The following CHRNB4 variants were observed in gnomAD, a reference collection of about 807,000 sequenced individuals.
CHRNB4 encodes cholinergic receptor nicotinic beta 4 subunit, also known as neuronal acetylcholine receptor subunit beta-4.
A neutral mutation model predicts 40.4 loss-of-function variants in CHRNB4; 23 were observed. The ratio of observed to expected loss-of-function variants is 0.57; its 90% confidence interval spans 0.41 to 0.81. CHRNB4 has a LOEUF of 0.81. Ranked by LOEUF, CHRNB4 falls within the 30% of genes least tolerant of loss-of-function variation. The probability of loss-of-function intolerance (pLI) is 0.00; values close to 1 mark genes in which losing one functional copy is unlikely to be tolerated. For missense variants in CHRNB4, 568 were observed against 670.6 expected (o/e 0.85, Z 1.69); for synonymous variants, 285 against 274.4 (o/e 1.04, Z -0.38).
chr15:78,630,061 C>T lies in CHRNB4; in HGVS notation c.360-116G>A, dbSNP rs1286696114. 61 of 1,173,410 alleles carry T rather than the reference C, an allele frequency of 5.2e-5. 1 individual carries two copies. Among genetic ancestry groups the T allele is most frequent in the Non-Finnish European group, 6.7e-5 (59 of 881,852 alleles). The allele number at this position is 1,173,410 out of a possible 1,614,324, so 72.7% of individuals were successfully genotyped here. A position where few individuals can be genotyped will look rare whatever the true frequency, so the allele number is the denominator to read the frequency against. Reference sequence around the variant, plus strand: ...ATTTCCCACTAATCACCCTTCCAATCCCCCAGGCCCTCACTGAAAGGAGGG... The same window carrying T: ...ATTTCCCACTAATCACCCTTCCAATTCCCCAGGCCCTCACTGAAAGGAGGG... On this transcript the variant is annotated intron_variant, in intron 4 of 5. Coordinates refer to ENST00000261751, the MANE Select transcript of CHRNB4 (RefSeq NM_000750.5).
rs1342554503 is a variant in CHRNB4, at chr15:78,631,079, T to C, written c.356A>G (p.Asn119Ser). 14 of 1,613,422 alleles carry C rather than the reference T, an allele frequency of 8.7e-6. No homozygotes were observed. The highest frequency in any genetic ancestry group is 8.5e-7 in the Non-Finnish European group (1 of 1,179,522). Residue 119 changes from asparagine to serine, a missense_variant, in exon 4 of 6, where the codon AAC becomes AGC. Physicochemically the swap from Asn to Ser is conservative, Grantham distance 46 (BLOSUM62 1). This residue lies in a region of CHRNB4 where 127 missense variants were observed against 167.4 expected (regional missense o/e 0.76). Coordinates refer to ENST00000261751, the MANE Select transcript of CHRNB4 (RefSeq NM_000750.5). ...CTCCACCAACCCTGCCACTCACTTGTTGTAAAGCACGATGTCAGGCAACCA... is the reference window on the plus strand; with the variant it reads ...CTCCACCAACCCTGCCACTCACTTGCTGTAAAGCACGATGTCAGGCAACCA... ...RIWLPDIVLYNNADGTYEVSV... is the reference protein window; with the variant it reads ...RIWLPDIVLYSNADGTYEVSV...
rs1434922979 is a variant in CHRNB4, at chr15:78,629,173, T to TGGTGGA, written c.1126_1131dup (p.Thr377_Ser378dup). ...GAGTTCCCATAGAAGTTGGAGGGGCTGGTGGAGGTGGCGGTGGCCTCGGGC... is the reference window on the plus strand; with the variant it reads ...GAGTTCCCATAGAAGTTGGAGGGGCTGGTGGAGGTGGAGGTGGCGGTGGCCTCGGGC... On this transcript the variant is annotated inframe_insertion, in exon 5 of 6. Coordinates refer to ENST00000261751, the MANE Select transcript of CHRNB4 (RefSeq NM_000750.5). The surrounding 1 kb of genome is among the most constrained non-coding windows in gnomAD (Gnocchi z 6.8). 1.2e-6 allele frequency: 2 copies of TGGTGGA among 1,613,794 alleles called. No homozygotes were observed. Among genetic ancestry groups the TGGTGGA allele is most frequent in the Non-Finnish European group, 1.7e-6 (2 of 1,179,956 alleles).
intron 1 of CHRNB4, among the ~76,000 whole-genome samples, chr15:78,636,337 T>C (rs1020966104): frequency 7.9e-5 from 12 of 151,674 alleles, no homozygotes; most frequent in African/African-American, 2.9e-4. Context: ...CTGCTATCCA[T>C]GTACCATACA....
intron 1 of CHRNB4, among the ~76,000 whole-genome samples, chr15:78,637,311 C>G (rs1347805165): frequency 1.3e-5 from 2 of 152,154 alleles, no homozygotes; most frequent in Non-Finnish European, 1.5e-5. Context: ...CTTGTGTACT[C>G]TAGTGTCTTC....
chr15:78,629,400 G>T lies in CHRNB4; in HGVS notation c.905C>A (p.Thr302Asn). 6.2e-7 allele frequency: 1 copy of T among 1,614,174 alleles called. No individual in the cohort carries two copies. The highest frequency in any genetic ancestry group is 1.1e-5 in the South Asian group (1 of 91,086). Residue 302 changes from threonine to asparagine, a missense_variant, in exon 5 of 6, where the codon ACC becomes AAC. Coordinates refer to ENST00000261751, the MANE Select transcript of CHRNB4 (RefSeq NM_000750.5). This position sits in a 1 kb window ranked among gnomAD's most constrained non-coding sequence, Gnocchi z 6.8. ...VPLIGKYLMFTMVLVTFSIVT... is the reference protein window; with the variant it reads ...VPLIGKYLMFNMVLVTFSIVT... ...GATGGAGAAGGTGACCAGCACCATG[G>T]TGAACATGAGGTACTTGCCGATGAG...
intron 1 of CHRNB4, among the ~76,000 whole-genome samples, chr15:78,638,932 T>C (rs1399595856): frequency 1.3e-5 from 2 of 152,188 alleles, no homozygotes; most frequent in African/African-American, 4.8e-5. Context: ...TCAGTCATGA[T>C]TCAATGATTC....
chr15:78,640,844 A>C (rs1211960023), intron 1 of CHRNB4, among the ~76,000 whole-genome samples: 1 of 152,122 alleles, frequency 6.6e-6, no homozygotes, highest in African/African-American at 2.4e-5. Context: ...TGGCCCTGGC[A>C]GCGGCTCCGA....
chr15:78,646,050 A>ACT (rs2054120244), upstream of CHRNB4, among the ~76,000 whole-genome samples: 1 of 134,244 alleles, frequency 7.4e-6, no homozygotes, highest in African/African-American at 2.9e-5. Flanking sequence ...ACAGAGTGAG[A>ACT]CCGTCTCAAA....
intron 1 of CHRNB4, among the ~76,000 whole-genome samples, chr15:78,659,146 G>A (rs1049808422): frequency 1.1e-4 from 17 of 152,094 alleles, no homozygotes; most frequent in African/African-American, 4.1e-4. Context: ...AAAGAAATAG[G>A]GCCAGGTGAG....
At chr15:78,649,229 C>G (rs1265567032) in intron 7 of CHRNB4, 3 of 250,652 alleles carry the variant, frequency 1.2e-5, no homozygotes, top group Non-Finnish European at 2.4e-5. Context: ...ATGCTTCCGT[C>G]CAATGCCTAG....
intron 7 of CHRNB4, among the ~76,000 whole-genome samples, chr15:78,646,339 C>A (rs1567137048): frequency 6.6e-6 from 1 of 152,114 alleles, no homozygotes; most frequent in Non-Finnish European, 1.5e-5. Flanking sequence ...ACAACTAGAT[C>A]CCTAGTTCAC....
chr15:78,661,079 C>T, upstream of CHRNB4: 3 of 600,700 alleles, frequency 5.0e-6, no homozygotes, highest in Admixed American at 3.7e-5. Context: ...TGACCTCTGG[C>T]GCGCTTGAAC....
intron 6 of CHRNB4, chr15:78,649,554 C>CTTTT: frequency 3.1e-6 from 1 of 320,354 alleles, no homozygotes; most frequent in East Asian, 9.3e-5. Context: ...CCTAAAATAT[C>CTTTT]TGCTATATGG....
chr15:78,651,854 A>T (rs545803471), intron 6 of CHRNB4, among the ~76,000 whole-genome samples: 7 of 152,322 alleles, frequency 4.6e-5, no homozygotes, highest in African/African-American at 1.7e-4. Flanking sequence ...GCCCCTTAGC[A>T]GAACTTTTCT....
intron 2 of CHRNB4, chr15:78,634,706 C>A: frequency 2.2e-6 from 1 of 456,000 alleles, no homozygotes; most frequent in Non-Finnish European, 4.4e-6. Flanking sequence ...GTGAATGTTC[C>A]CCCAGAGCTT....
chr15:78,625,098 A>C lies in CHRNB4; in HGVS notation c.*35T>G. 6.2e-7 allele frequency: 1 copy of C among 1,613,620 alleles called. No individual in the cohort carries two copies. The highest frequency in any genetic ancestry group is 1.1e-5 in the South Asian group (1 of 91,084). On this transcript the variant is annotated 3_prime_UTR_variant, in exon 6 of 6. Coordinates refer to ENST00000261751, the MANE Select transcript of CHRNB4 (RefSeq NM_000750.5). ...GAAGCAGCAAAGTGCCCACCCGGCC[A>C]CTCACATCCTCTCACCCCACAACCC... is the stretch of plus-strand genomic sequence containing the variant.
upstream of CHRNB4, among the ~76,000 whole-genome samples, chr15:78,642,452 G>A (rs1010265924): frequency 4.6e-5 from 7 of 152,260 alleles, no homozygotes; most frequent in Non-Finnish European, 8.8e-5. Flanking sequence ...GGAAACCAAA[G>A]ACAGTGGCAG....
chr15:78,655,701 C>T (rs1251600544), intron 4 of CHRNB4: 1 of 151,932 alleles, frequency 6.6e-6, no homozygotes, highest in Non-Finnish European at 1.5e-5. Context: ...TTTAGTTACT[C>T]TAGGTCCTGT....
At chr15:78,634,131 A>G (rs2053894865) in intron 2 of CHRNB4, among the ~76,000 whole-genome samples, 1 of 152,140 alleles carries the variant, frequency 6.6e-6, no homozygotes, top group Non-Finnish European at 1.5e-5. Context: ...CCACAACCTA[A>G]TATTTACTGT....
Sources: gnomAD v4.1 joint callset for allele counts (sites outside exome capture counted in the v4.1 genomes callset) on GRCh38, gnomAD v4.1.1 for gene constraint, gnomAD v4.1.1 regional missense constraint, Gnocchi (gnomAD v3.1) non-coding constraint, MANE v1.5 for transcripts, NCBI Gene and HGNC (gene_info 2026-07-23, HGNC 2026-07-21) for gene names.